The following LRRC7 variants were observed in gnomAD, a reference collection of about 807,000 sequenced individuals.
LRRC7 encodes leucine rich repeat containing 7.
Under a neutral mutation model 175.7 loss-of-function variants are expected in LRRC7, and 23 were observed. That is an observed-to-expected ratio of 0.13 (90% CI 0.09 to 0.19). The LOEUF (loss-of-function observed/expected upper bound fraction) is 0.19. LRRC7 is among the 10% of genes least tolerant of loss of function. LRRC7 has a pLI of 1.00. For missense variants in LRRC7, 1,354 were observed against 1,904.7 expected, an observed-to-expected ratio of 0.71 and a Z score of 5.38; for synonymous variants, 685 against 680.9, an observed-to-expected ratio of 1.01 and a Z score of -0.09.
At position 70,129,572 on chromosome 1, in the gene LRRC7, C is replaced by A. The variant is rs1026284354; in HGVS notation, c.*7685C>A. On this transcript the variant is annotated 3_prime_UTR_variant, in exon 27 of 27. Coordinates refer to ENST00000651989, the MANE Select transcript of LRRC7 (RefSeq NM_001370785.2). ...GAAAAGAGTCTTCTAGGTTCAGCGGCCCCAAAAAGTCCCTCCTATGACCAC... is the reference window on the plus strand; with the variant it reads ...GAAAAGAGTCTTCTAGGTTCAGCGGACCCAAAAAGTCCCTCCTATGACCAC... Among the ~76,000 whole-genome samples the A allele has an allele frequency of 1.2e-4, 19 of 152,114 alleles. No homozygotes were observed. The highest frequency in any genetic ancestry group is 4.1e-4 in the African/African-American group (17 of 41,414).
At chr1:69,653,095 T>C (rs531564635) in intron 1 of LRRC7, among the ~76,000 whole-genome samples, 10 of 152,092 alleles carry the variant, frequency 6.6e-5, no homozygotes, top group African/African-American at 2.4e-4. Context: ...AATAGACATG[T>C]GGGATAACAT....
chr1:69,916,143 A>ATATATTATATACATATTTTATATATAT (rs1455496343), intron 7 of LRRC7, among the ~76,000 whole-genome samples: 4 of 350 alleles, frequency 0.011, no homozygotes, highest in Non-Finnish European at 0.019. Flanking sequence ...TATATATAAT[A>ATATATTATATACATATTTTATATATAT]TATATATTAT....
chr1:70,115,789 A>AAGAG (rs984276904), intron 26 of LRRC7, among the ~76,000 whole-genome samples: 11 of 150,720 alleles, frequency 7.3e-5, no homozygotes, highest in Non-Finnish European at 1.2e-4. Context: ...CCTGTCATTT[A>AAGAG]AGAGCCTGAT....
chr1:69,933,957 G>A (rs1482120961), intron 8 of LRRC7, among the ~76,000 whole-genome samples: 1 of 152,054 alleles, frequency 6.6e-6, no homozygotes, highest in Non-Finnish European at 1.5e-5. Flanking sequence ...TGTTCTAAGA[G>A]GTTTTATTTG....
At chr1:70,054,578 C>CTT (rs35639787) in intron 23 of LRRC7, among the ~76,000 whole-genome samples, 1,644 of 53,790 alleles carry the variant, frequency 0.031, 564 homozygotes, top group African/African-American at 0.04. Context: ...TTACACTCTA[C>CTT]TTTTTTTTTT....
chr1:70,050,044 C>A (rs975069464), intron 22 of LRRC7, among the ~76,000 whole-genome samples: 1 of 152,056 alleles, frequency 6.6e-6, no homozygotes, highest in African/African-American at 2.4e-5. Flanking sequence ...CATCAATTAG[C>A]AAAGCTGCTG....
intron 24 of LRRC7, among the ~76,000 whole-genome samples, chr1:70,077,351 G>A (rs546725400): frequency 3.9e-5 from 6 of 152,204 alleles, no homozygotes; most frequent in African/African-American, 1.2e-4. Context: ...GTCAAGTGTT[G>A]AATTTAAGGT....
chr1:69,694,856 C>A (rs11809412), intron 2 of LRRC7, among the ~76,000 whole-genome samples: 1 of 151,914 alleles, frequency 6.6e-6, no homozygotes, highest in Admixed American at 6.6e-5. Flanking sequence ...TGGCACCATG[C>A]TTCTTGTACA....
intron 2 of LRRC7, among the ~76,000 whole-genome samples, chr1:69,758,765 T>C (rs1476083742): frequency 6.6e-6 from 1 of 151,964 alleles, no homozygotes; most frequent in Non-Finnish European, 1.5e-5. Context: ...CAGTATTTGG[T>C]TTTCTCCTCC....
At chr1:69,687,236 C>T (rs948788534) in intron 2 of LRRC7, among the ~76,000 whole-genome samples, 5 of 152,142 alleles carry the variant, frequency 3.3e-5, no homozygotes, top group East Asian at 1.9e-4. Context: ...AGGACAGGCA[C>T]GTTGGCTCAC....
At chr1:69,608,674 C>A (rs189228845) in intron 1 of LRRC7, among the ~76,000 whole-genome samples, 1 of 151,860 alleles carries the variant, frequency 6.6e-6, no homozygotes, top group Non-Finnish European at 1.5e-5. Context: ...ACAGGCTGTA[C>A]ATTTTGCTGA....
At chr1:69,805,632 C>G (rs1677029732) in intron 4 of LRRC7, among the ~76,000 whole-genome samples, 1 of 151,862 alleles carries the variant, frequency 6.6e-6, no homozygotes, top group African/African-American at 2.4e-5. Context: ...GAATCTACTT[C>G]TCCTCTGGGT....
chr1:69,875,621 T>C (rs1685971482), intron 7 of LRRC7, among the ~76,000 whole-genome samples: 1 of 152,088 alleles, frequency 6.6e-6, no homozygotes, highest in South Asian at 2.1e-4. Context: ...TCTAATCTTT[T>C]ATTCTAAGAG....
At chr1:69,809,507 A>C (rs552309240) in intron 4 of LRRC7, among the ~76,000 whole-genome samples, 1 of 152,326 alleles carries the variant, frequency 6.6e-6, no homozygotes, top group South Asian at 2.1e-4. Flanking sequence ...CCTGGTGAAC[A>C]TCGATGCAAA....
At chr1:69,573,258 A>G (rs1347473234) in intron 1 of LRRC7, among the ~76,000 whole-genome samples, 1 of 152,092 alleles carries the variant, frequency 6.6e-6, no homozygotes, top group East Asian at 1.9e-4. Context: ...GCCCCTGTTC[A>G]TTTTTCCCCA....
rs1681597351 is a variant in LRRC7, at chr1:69,840,429, T to TAA, written c.647+2146_647+2147insAA. On this transcript the variant is annotated intron_variant, in intron 7 of 26. Coordinates refer to ENST00000651989, the MANE Select transcript of LRRC7 (RefSeq NM_001370785.2). The stretch of plus-strand genomic sequence containing the variant: ...ACAATTTTAGTTTAACAATAACTAT[T>TAA]CTGAGAAGAGATAACTCATGATTTC... Among the ~76,000 whole-genome samples, 2 of 152,052 alleles carry TAA rather than the reference T, an allele frequency of 1.3e-5. 1 individual carries two copies. Among genetic ancestry groups the TAA allele is most frequent in the South Asian group, 4.1e-4 (2 of 4,836 alleles).
chr1:69,587,036 C>T (rs1646430230), intron 1 of LRRC7, among the ~76,000 whole-genome samples: 1 of 152,016 alleles, frequency 6.6e-6, no homozygotes, highest in Non-Finnish European at 1.5e-5. Flanking sequence ...ATATGTTGTA[C>T]ATGTTTGCAT....
intron 2 of LRRC7, among the ~76,000 whole-genome samples, chr1:69,708,955 A>C (rs1664408395): frequency 6.6e-6 from 1 of 152,200 alleles, no homozygotes; most frequent in Non-Finnish European, 1.5e-5. Flanking sequence ...CATCACTGGT[A>C]TATTCCTTCT....
rs1667078955 is a variant in LRRC7, at chr1:70,141,975, A to ATTTC, written c.*20092_*20095dup. 6.6e-6 allele frequency: 1 copy of ATTTC among 151,974 alleles called. No homozygotes were observed. Among genetic ancestry groups the ATTTC allele is most frequent in the Admixed American group, 6.6e-5 (1 of 15,242 alleles). The allele number at this position is 151,974 out of a possible 1,614,324, so 9.4% of individuals were successfully genotyped here. ...AAATGGACAAAAGAAATCACATTGT[A>ATTTC]TTTCTTTGTATCTCTCCATTCCTCT... On this transcript the variant is annotated 3_prime_UTR_variant, in exon 27 of 27. Coordinates refer to ENST00000651989, the MANE Select transcript of LRRC7 (RefSeq NM_001370785.2).
Sources: gnomAD v4.1 joint callset for allele counts (sites outside exome capture counted in the v4.1 genomes callset) on GRCh38, gnomAD v4.1.1 for gene constraint, MANE v1.5 for transcripts, NCBI Gene and HGNC (gene_info 2026-07-23, HGNC 2026-07-21) for gene names.